The following MUC5AC variants were observed in gnomAD, a reference collection of about 807,000 sequenced individuals.
The protein encoded by MUC5AC is mucin 5AC, oligomeric mucus/gel-forming.
In MUC5AC, 158 loss-of-function variants were observed where a neutral mutation model predicts 169.7. The observed-to-expected ratio is 0.93, with a 90% CI of 0.82 to 1.06. The LOEUF is 1.06. MUC5AC is among the 50% of genes least tolerant of loss of function. MUC5AC has a pLI of 0.00. For synonymous variants in MUC5AC, 1,975 were observed against 1,237.0 expected (o/e 1.60, Z -12.52); for missense variants, 4,359 against 3,089.9 (o/e 1.41, Z -9.74).
In MUC5AC at chr11:1,188,870, G is replaced by A. The variant is rs1176939162; in HGVS notation, c.10725G>A (p.Pro3575=). The part of the protein sequence containing the change: ...TRLQCRAKSH[P]EVSIEHLGQV... The stretch of plus-strand genomic sequence containing the variant: ...TCCAGTGCCGAGCCAAGAGCCACCC[G>A]GAGGTGAGCATCGAACACCTGGGCC... Residue 3575 remains proline (P), a synonymous_variant, in exon 31 of 49, where the codon CCG becomes CCA. Coordinates refer to ENST00000621226, the MANE Select transcript of MUC5AC (RefSeq NM_001304359.2). 1.3e-3 allele frequency: 977 copies of A among 763,032 alleles called. No individual in the cohort carries two copies. In the East Asian group the frequency reaches 0.013, roughly 10 times the overall value. The allele number at this position is 763,032 out of a possible 1,614,324, so 47.3% of individuals were successfully genotyped here.
intron 44 of MUC5AC, 22 bp downstream of exon 44, chr11:1,199,018 C>T (rs775309364): frequency 4.5e-5 from 34 of 762,986 alleles, no homozygotes; most frequent in African/African-American, 2.0e-4. Flanking sequence ...CACCCTGCCC[C>T]GACCCTGCCC....
chr11:1,173,752 CCACTCACTCATCCACTCACT>C (rs1860611050), intron 16 of MUC5AC, among the ~76,000 whole-genome samples: 1 of 141,810 alleles, frequency 7.1e-6, no homozygotes, highest in Non-Finnish European at 1.5e-5. Context: ...ACTCACTCAT[CCACTCACTCATCCACTCACT>C]CACTCATCCA....
At chr11:1,198,796 A>G (rs1035097740) in intron 43 of MUC5AC, 78 bp from the exon 44 acceptor site, 19 of 669,938 alleles carry the variant, frequency 2.8e-5, no homozygotes, top group Non-Finnish European at 5.2e-5. Flanking sequence ...AGTTGGGGGC[A>G]GCAAGCCAGT....
chr11:1,159,928 G>A (rs1860088131), intron 1 of MUC5AC, among the ~76,000 whole-genome samples: 1 of 135,246 alleles, frequency 7.4e-6, no homozygotes, highest in Non-Finnish European at 1.6e-5. Context: ...GACGGGCTGT[G>A]CGGGGCTGTG....
Position 1,194,690 on chromosome 11 carries a change from G to A in MUC5AC, c.15190+20G>A, listed in dbSNP as rs759962676. 7 of 732,956 alleles carry A rather than the reference G, an allele frequency of 9.6e-6. No homozygotes were observed. The highest frequency in any genetic ancestry group is 2.8e-5 in the South Asian group (2 of 70,856). 45.4% of individuals were successfully genotyped at this position (732,956 alleles called of 1,614,324 possible). ...AGTGCGGTGAGGCCACAGGGCTCCC[G>A]GGCATCGTCTGGCATTCGCGGGGGC... On this transcript the variant is annotated intron_variant, in intron 35 of 48. Transcript: ENST00000621226.
In MUC5AC at chr11:1,175,044, C is replaced by T. The variant is rs979613999; in HGVS notation, c.2255C>T (p.Thr752Met). 202 of 401,156 alleles carry T rather than the reference C, an allele frequency of 5.0e-4. 2 individuals are homozygous for T. The highest frequency in any genetic ancestry group is 3.6e-3 in the African/African-American group (178 of 48,772). 24.8% of individuals were successfully genotyped at this position (401,156 alleles called of 1,614,324 possible). ...CCCAAGGGCACCTTCCTGGACGACA[C>T]GGGCAAGTGTGTGCAGGCCAGCAAC... ...ICPKGTFLDD[T>M]GKCVQASNCP... Residue 752 changes from threonine to methionine, a missense_variant, in exon 18 of 49, where the codon ACG becomes ATG. Thr to Met is a moderately conservative substitution (Grantham distance 81). Coordinates refer to ENST00000621226, the MANE Select transcript of MUC5AC (RefSeq NM_001304359.2).
chr11:1,196,430 C>T lies in MUC5AC; in HGVS notation c.15680C>T (p.Pro5227Leu), dbSNP rs772195066. Residue 5227 changes from proline to leucine, a missense_variant, in exon 38 of 49, where the codon CCG becomes CTG. Transcript: ENST00000621226. ...GACAAGGTGTACCAGCCCTGCGGCC[C>T]GAGCAACCCCTCCTACTGCTACGGG... ...PADKVYQPCG[P>L]SNPSYCYGND... 38 of 764,922 alleles carry T rather than the reference C, an allele frequency of 5.0e-5. No individual in the cohort carries two copies. The highest frequency in any genetic ancestry group is 2.2e-4 in the Middle Eastern group (1 of 4,460). 47.4% of individuals were successfully genotyped at this position (764,922 alleles called of 1,614,324 possible).
At chr11:1,197,397 G>C in intron 40 of MUC5AC, 71 bp from the exon 41 acceptor site, 1 of 682,968 alleles carries the variant, frequency 1.5e-6, no homozygotes, top group Non-Finnish European at 2.7e-6. Flanking sequence ...GGCACTGCAT[G>C]AGCCGGGGTG....
At position 1,189,766 on chromosome 11, in the gene MUC5AC, C is replaced by A; in HGVS notation, c.11621C>A (p.Ala3874Asp). 2 of 682,206 alleles carry A rather than the reference C, an allele frequency of 2.9e-6. No homozygotes were observed. The allele number at this position is 682,206 out of a possible 1,614,324, so 42.3% of individuals were successfully genotyped here. ...GCTCCTACAGCCAGCACAATCTCTG[C>A]CCCTACAACCAGCACAACCTCTTTC... ...TSAPTASTIS[A>D]PTTSTTSFHT... The change falls in exon 31 of 49, where the codon GCC (alanine) becomes GAC (aspartate). Residue 3874 changes from alanine to aspartate, a missense_variant. Transcript: ENST00000621226.
Position 1,201,105 on chromosome 11 carries a change from A to G in MUC5AC, c.*403A>G, listed in dbSNP as rs13380. On this transcript the variant is annotated 3_prime_UTR_variant, in exon 49 of 49. Coordinates refer to ENST00000621226, the MANE Select transcript of MUC5AC (RefSeq NM_001304359.2). ...CGCTCCCCTCCTCAGTACACGGCCA[A>G]TCTGTTGCATAAATACACTTGAGCA... The G allele has an allele frequency of 0.16, 29,276 of 177,988 alleles. 2,747 individuals carry two copies. Among genetic ancestry groups the G allele is most frequent in the Non-Finnish European group, 0.2 (17,008 of 85,450 alleles). 11.0% of individuals were successfully genotyped at this position (177,988 alleles called of 1,614,324 possible).
In MUC5AC at chr11:1,190,303, C is replaced by A. The variant is rs1446747853; in HGVS notation, c.12158C>A (p.Thr4053Asn). Residue 4053 changes from threonine (T) to asparagine (N), a missense_variant, in exon 31 of 49, where the codon ACC becomes AAC. Thr to Asn is a moderately conservative substitution (Grantham distance 65). Coordinates refer to ENST00000621226, the MANE Select transcript of MUC5AC (RefSeq NM_001304359.2). The stretch of plus-strand genomic sequence containing the variant: ...GAGGTGCGTGTGCTCTGCTGCGAGA[C>A]CCCCAAAGGCTGCCCCGTGACCTCC... Reference protein sequence around the residue: ...NYEVRVLCCETPKGCPVTSTP... With the variant: ...NYEVRVLCCENPKGCPVTSTP... 2.2e-4 allele frequency: 152 copies of A among 689,604 alleles called. No individual in the cohort carries two copies. The highest frequency in any genetic ancestry group is 3.7e-4 in the Non-Finnish European group (141 of 381,414). 42.7% of individuals were successfully genotyped at this position (689,604 alleles called of 1,614,324 possible).
In MUC5AC at chr11:1,160,666, C is replaced by T. The variant is rs763334028; in HGVS notation, c.128C>T (p.Ser43Phe). ...ESSYKHHPAL[S>F]PIARGPSGVP... ...AGCTACAAGCACCACCCTGCCCTCT[C>T]TCCTATCGCCCGGGGGCCCAGCGGT... The change falls in exon 2 of 49, where the codon TCT becomes TTT. Residue 43 changes from serine (S) to phenylalanine (F), a missense_variant. Ser to Phe is a radical substitution (Grantham distance 155, BLOSUM62 -2). Transcript: ENST00000621226. 3.1e-6 allele frequency: 5 copies of T among 1,610,574 alleles called. No homozygotes were observed. The highest frequency in any genetic ancestry group is 4.2e-6 in the Non-Finnish European group (5 of 1,179,590).
At chr11:1,181,093 C>T (rs1234346830) in intron 28 of MUC5AC, 46 bp from the exon 29 acceptor site, 2 of 398,552 alleles carry the variant, frequency 5.0e-6, no homozygotes, top group East Asian at 7.1e-5. Flanking sequence ...GTGGAAGGCA[C>T]ACGGCCGCCC....
At position 1,175,459 on chromosome 11, in the gene MUC5AC, CAT is replaced by C. The variant is rs1564911119; in HGVS notation, c.2401+192_2401+193del. 1.3e-3 allele frequency among the ~76,000 whole-genome samples: 203 copies of C among 150,882 alleles called. 4 individuals carry two copies. Among genetic ancestry groups the C allele is most frequent in the Non-Finnish European group, 7.5e-4 (51 of 67,584 alleles). Reference sequence around the variant, plus strand: ...GGAAGAAGGGAGGGTGTGGGGCGCACATATGACACTCACACCCACTCATGCAC... The same window carrying C: ...GGAAGAAGGGAGGGTGTGGGGCGCACATGACACTCACACCCACTCATGCAC... On this transcript the variant is annotated intron_variant, in intron 19 of 48. Transcript: ENST00000621226.
At chr11:1,176,892 G>C in intron 21 of MUC5AC, 36 bp from the exon 22 acceptor site, 1 of 398,668 alleles carries the variant, frequency 2.5e-6, no homozygotes. Flanking sequence ...CAGGCACCCT[G>C]TGTGTGCTCT....
At position 1,198,959 on chromosome 11, in the gene MUC5AC, G is replaced by A. The variant is rs76043948; in HGVS notation, c.16259G>A (p.Ser5420Asn). 1.3e-6 allele frequency: 1 copy of A among 764,108 alleles called. No homozygotes were observed. Among genetic ancestry groups the A allele is most frequent in the Non-Finnish European group, 2.4e-6 (1 of 417,516 alleles). The allele number at this position is 764,108 out of a possible 1,614,324, so 47.3% of individuals were successfully genotyped here. A position where few individuals can be genotyped will look rare whatever the true frequency, so the allele number is the denominator to read the frequency against. The change falls in exon 44 of 49, where the codon AGC becomes AAC. Residue 5420 changes from serine (S) to asparagine (N), a missense_variant. Transcript: ENST00000621226. Reference protein sequence around the residue: ...GGPPSDAFVVSCETQICNTHC... With the variant: ...GGPPSDAFVVNCETQICNTHC... ...CCCCCATCGGACGCGTTTGTGGTCA[G>A]CTGTGAGACCCAGATCTGCAACACA... is the stretch of plus-strand genomic sequence containing the variant.
In MUC5AC at chr11:1,185,315, T is replaced by A; in HGVS notation, c.7170T>A (p.Ser2390=). The A allele has an allele frequency of 1.5e-6, 1 of 676,706 alleles. No individual in the cohort carries two copies. The highest frequency in any genetic ancestry group is 2.7e-6 in the Non-Finnish European group (1 of 371,926). The allele number at this position is 676,706 out of a possible 1,614,324, so 41.9% of individuals were successfully genotyped here. ...CTGCCACTACCACCAGCAGAATCTC[T>A]GGTCCTGAAACTACTCCCAGCCCTG... ...TTSATTTSRI[S]GPETTPSPVP... Residue 2390 remains serine, a synonymous_variant, in exon 31 of 49, where the codon TCT becomes TCA. Coordinates refer to ENST00000621226, the MANE Select transcript of MUC5AC (RefSeq NM_001304359.2).
In MUC5AC at chr11:1,197,971, C is replaced by A. The variant is rs764474866; in HGVS notation, c.16102C>A (p.Gln5368Lys). 1.4e-6 allele frequency: 1 copy of A among 731,024 alleles called. No individual in the cohort carries two copies. Among genetic ancestry groups the A allele is most frequent in the Non-Finnish European group, 2.5e-6 (1 of 401,808 alleles). The allele number at this position is 731,024 out of a possible 1,614,324, so 45.3% of individuals were successfully genotyped here. Residue 5368 changes from glutamine (Q) to lysine (K), a missense_variant, in exon 42 of 49, where the codon CAG becomes AAG. Physicochemically the swap from Gln to Lys is moderately conservative, Grantham distance 53. Transcript: ENST00000621226. ...PEGARAIPTY[Q>K]EGACCPVQNC... Reference sequence around the variant, plus strand: ...GGGCGCCCGCGCGATCCCGACCTACCAGGAGGGGGCCTGCTGCCCAGTCCA... The same window carrying A: ...GGGCGCCCGCGCGATCCCGACCTACAAGGAGGGGGCCTGCTGCCCAGTCCA...
At chr11:1,179,897 CT>C (rs1860774610) in intron 26 of MUC5AC, 124 bp from the exon 27 acceptor site, 5 of 397,340 alleles carry the variant, frequency 1.3e-5, no homozygotes, top group African/African-American at 2.1e-5. Context: ...CCACCCTCCC[CT>C]GTCCCCATCT....
Sources: allele counts gnomAD v4.1 joint callset (sites outside exome capture counted in the v4.1 genomes callset), GRCh38; gene constraint gnomAD v4.1.1; transcripts MANE v1.5; gene names NCBI Gene and HGNC (gene_info 2026-07-23, HGNC 2026-07-21).